TMEM187: variants seen among roughly 807,000 people sequenced by gnomAD.
TMEM187 encodes transmembrane protein 187, also known as chromosome X open reading frame 12.
A neutral mutation model predicts 11.8 loss-of-function variants in TMEM187; 14 were observed. That is an observed-to-expected ratio of 1.18 (90% CI 0.78 to 1.85). The LOEUF (loss-of-function observed/expected upper bound fraction) is 1.85, where lower values mean the gene tolerates loss of function less well. TMEM187 is among the 40% of genes most tolerant of loss of function. The probability of loss-of-function intolerance (pLI) is 0.00; values close to 1 mark genes in which losing one functional copy is unlikely to be tolerated. For missense variants in TMEM187, 227 were observed against 243.9 expected, an observed-to-expected ratio of 0.93 and a Z score of 0.46; for synonymous variants, 112 against 118.5, an observed-to-expected ratio of 0.95 and a Z score of 0.36.
intron 1 of TMEM187, among the ~76,000 whole-genome samples, chrX:153,974,776 C>T (rs1435746073): frequency 8.9e-6 from 1 of 112,126 alleles, no homozygotes; most frequent in Non-Finnish European, 1.9e-5. Context: ...ACTGTGGTTC[C>T]TGTGTGGCAA....
At chrX:153,977,903 T>G (rs2065583100) in intron 1 of TMEM187, among the ~76,000 whole-genome samples, 1 of 99,332 alleles carries the variant, frequency 1.0e-5, no homozygotes, top group South Asian at 4.7e-4. Flanking sequence ...GTGCAGACAG[T>G]GCAAGATTCC....
At chrX:153,975,447 C>A (rs1170212894) in intron 1 of TMEM187, among the ~76,000 whole-genome samples, 1 of 108,472 alleles carries the variant, frequency 9.2e-6, no homozygotes, top group Non-Finnish European at 1.9e-5. Flanking sequence ...TCTCCTGCCA[C>A]ACCCTCACAA....
chrX:153,976,312 C>G (rs1243144616), intron 1 of TMEM187, among the ~76,000 whole-genome samples: 3 of 111,967 alleles, frequency 2.7e-5, no homozygotes, highest in African/African-American at 9.8e-5. Context: ...GGCCAGATCA[C>G]CTGAGATCAG....
Position 153,982,543 on chromosome X carries a change from C to T in TMEM187, c.481C>T (p.Gln161Ter). The change falls in exon 2 of 2, where the codon CAG becomes TAG. Residue 161 changes from glutamine to a stop codon, truncating the protein, a stop_gained. Transcript: ENST00000369982. LOFTEE classifies it high-confidence loss of function. ...ASYGLALLHP[Q>*]GFEVALGAHV... ...TTATGGCCTCGCTCTGCTGCATCCC[C>T]AGGGCTTCGAGGTCGCACTGGGTGC... The T allele has an allele frequency of 8.3e-7, 1 of 1,208,013 alleles. No individual in the cohort carries two copies. Among genetic ancestry groups the T allele is most frequent in the Non-Finnish European group, 1.1e-6 (1 of 895,250 alleles).
At position 153,979,449 on chromosome X, in the gene TMEM187, G is replaced by A. The variant is rs868992990; in HGVS notation, c.-213-2401G>A. On this transcript the variant is annotated intron_variant, in intron 1 of 1. Transcript: ENST00000369982. ...TGCCCAGGCTGGTCTCAAACTCCTG[G>A]ACTCAAGCAGTCCTCTCACCTTGGC... Among the ~76,000 whole-genome samples the A allele has an allele frequency of 6.0e-4, 65 of 109,113 alleles. 1 individual carries two copies. In the Middle Eastern group the frequency reaches 0.039, roughly 66 times the overall value. 94.8% of individuals were successfully genotyped at this position (109,113 alleles called of 115,157 possible).
chrX:153,975,935 G>T (rs4898374), intron 1 of TMEM187, among the ~76,000 whole-genome samples: 24,839 of 109,510 alleles, frequency 0.23, 2,797 homozygotes, highest in East Asian at 0.76. Flanking sequence ...GTGAGCCACC[G>T]CGCTGGCCTC....
In TMEM187 at chrX:153,982,049, G is replaced by A. The variant is rs782209202; in HGVS notation, c.-14G>A. The A allele has an allele frequency of 5.6e-5, 68 of 1,211,422 alleles. No homozygotes were observed. In the Admixed American group the frequency reaches 9.8e-4, roughly 17 times the overall value. On this transcript the variant is annotated 5_prime_UTR_variant, in exon 2 of 2. Coordinates refer to ENST00000369982, the MANE Select transcript of TMEM187 (RefSeq NM_003492.3). ...TCTGAAGCTCCCTGCCCCAGGTCAC[G>A]CCGCCGGTTCCAGATGAATCCAGAG... is the stretch of plus-strand genomic sequence containing the variant.
At chrX:153,979,177 C>T (rs1254157860) in intron 1 of TMEM187, among the ~76,000 whole-genome samples, 3 of 109,952 alleles carry the variant, frequency 2.7e-5, no homozygotes, top group Admixed American at 9.7e-5. Context: ...CCACCTGCCT[C>T]GGCCTCCCAA....
intron 1 of TMEM187, among the ~76,000 whole-genome samples, chrX:153,975,649 TTTTTTTTTTTTA>T (rs1557121373): frequency 3.0e-5 from 1 of 33,027 alleles, no homozygotes; most frequent in African/African-American, 1.4e-4. Flanking sequence ...TTTTTTTTTT[TTTTTTTTTTTTA>T]AAGACAGAGT....
chrX:153,982,943 G>A lies in TMEM187; in HGVS notation c.*95G>A. On this transcript the variant is annotated 3_prime_UTR_variant, in exon 2 of 2. Transcript: ENST00000369982. ...TGCCAGTGTCAGACATCCTGTGTGTGATGATATGCACTGATCACACAAGAC... is the reference window on the plus strand; with the variant it reads ...TGCCAGTGTCAGACATCCTGTGTGTAATGATATGCACTGATCACACAAGAC... 8.4e-7 allele frequency: 1 copy of A among 1,192,711 alleles called. No individual in the cohort carries two copies. The highest frequency in any genetic ancestry group is 1.1e-6 in the Non-Finnish European group (1 of 885,377).
At chrX:153,976,488 G>A (rs1193086080) in intron 1 of TMEM187, among the ~76,000 whole-genome samples, 5 of 111,779 alleles carry the variant, frequency 4.5e-5, no homozygotes, top group African/African-American at 6.5e-5. Flanking sequence ...CCGAGATTGT[G>A]CCACTGCACT....
Position 153,982,594 on chromosome X carries a change from G to T in TMEM187, c.532G>T (p.Ala178Ser). 1 of 1,211,324 alleles carries T rather than the reference G, an allele frequency of 8.3e-7. No individual in the cohort carries two copies. The change falls in exon 2 of 2, where the codon GCG becomes TCG. Residue 178 changes from alanine to serine, a missense_variant. By Grantham distance (99) the Ala-to-Ser change is moderately conservative (BLOSUM62 1). Transcript: ENST00000369982. ...GAHVVAAVGQ[A>S]LRTHRHYGST... ...TCACGTGGTGGCCGCTGTGGGGCAG[G>T]CGCTGCGCACCCACAGGCACTATGG...
intron 1 of TMEM187, among the ~76,000 whole-genome samples, chrX:153,976,302 G>A (rs1445588108): frequency 8.0e-5 from 9 of 111,998 alleles, no homozygotes; most frequent in African/African-American, 2.9e-4. Flanking sequence ...AGGCCAAGAC[G>A]GCCAGATCAC....
chrX:153,977,114 A>G (rs1426718669), intron 1 of TMEM187, among the ~76,000 whole-genome samples: 2 of 112,217 alleles, frequency 1.8e-5, no homozygotes, highest in African/African-American at 6.5e-5. Flanking sequence ...GCTTCATAGC[A>G]TGAATGGATC....
chrX:153,982,088 T>C lies in TMEM187; in HGVS notation c.26T>C (p.Phe9Ser). The change falls in exon 2 of 2, where the codon TTC becomes TCC. Residue 9 changes from phenylalanine (F) to serine (S), a missense_variant. Physicochemically the swap from Phe to Ser is radical, Grantham distance 155 (BLOSUM62 -2). Transcript: ENST00000369982. ...ATGAATCCAGAGTGGGGGCAGGCCT[T>C]CGTGCACGTGGCCGTGGCCGGTGGC... MNPEWGQA[F>S]VHVAVAGGLC... 1 of 1,212,550 alleles carries C rather than the reference T, an allele frequency of 8.2e-7. No homozygotes were observed. The highest frequency in any genetic ancestry group is 1.1e-6 in the Non-Finnish European group (1 of 895,690).
intron 1 of TMEM187, 101 bp from the exon 2 acceptor site, chrX:153,981,749 A>G: frequency 2.5e-6 from 1 of 399,311 alleles, no homozygotes; most frequent in Non-Finnish European, 4.4e-6. Context: ...TTGCTTCTCC[A>G]GTGAAGATGG....
Position 153,981,879 on chromosome X carries a change from C to T in TMEM187, c.-184C>T. ...AAGGCAGAACGTTCCTCCGCTGGCG[C>T]CAGCCAATCAGCAGGACTCCTGCCT... is the stretch of plus-strand genomic sequence containing the variant. On this transcript the variant is annotated 5_prime_UTR_variant, in exon 2 of 2. Transcript: ENST00000369982. 3 of 785,673 alleles carry T rather than the reference C, an allele frequency of 3.8e-6. No individual in the cohort carries two copies. Among genetic ancestry groups the T allele is most frequent in the Non-Finnish European group, 5.5e-6 (3 of 550,388 alleles). 64.7% of individuals were successfully genotyped at this position (785,673 alleles called of 1,213,427 possible).
chrX:153,982,358 T>G lies in TMEM187; in HGVS notation c.296T>G (p.Val99Gly), dbSNP rs2065607362. 8.3e-7 allele frequency: 1 copy of G among 1,203,892 alleles called. No homozygotes were observed. The highest frequency in any genetic ancestry group is 1.7e-5 in the African/African-American group (1 of 57,699). The change falls in exon 2 of 2, where the codon GTG becomes GGG. Residue 99 changes from valine to glycine, a missense_variant. Val to Gly is a moderately radical substitution (Grantham distance 109, BLOSUM62 -3). Transcript: ENST00000369982. ...GCCATGGCCCTGCTCTATGGCCCCG[T>G]GCAGTGGCTGCGCCTGTGGACGCAG... The part of the protein sequence containing the change: ...FAAMALLYGP[V>G]QWLRLWTQWR...
At position 153,983,066 on chromosome X, in the gene TMEM187, CAG is replaced by C. The variant is rs1322176948; in HGVS notation, c.*219_*220del. 1.8e-4 allele frequency: 117 copies of C among 645,468 alleles called. No homozygotes were observed. The highest frequency in any genetic ancestry group is 2.5e-4 in the Non-Finnish European group (107 of 422,193). 53.2% of individuals were successfully genotyped at this position (645,468 alleles called of 1,213,427 possible). On this transcript the variant is annotated 3_prime_UTR_variant, in exon 2 of 2. Coordinates refer to ENST00000369982, the MANE Select transcript of TMEM187 (RefSeq NM_003492.3). ...AAGACATAAAGCACAGATCTCCGCA[CAG>C]GGGATGTGTGTGTTCCTGATGTAAT...
Sources: allele counts gnomAD v4.1 joint callset (sites outside exome capture counted in the v4.1 genomes callset), GRCh38; gene constraint gnomAD v4.1.1; transcripts MANE v1.5; gene names NCBI Gene and HGNC (gene_info 2026-07-23, HGNC 2026-07-21).